AGBL4: variants seen among roughly 807,000 people sequenced by gnomAD.
AGBL4 encodes the protein AGBL carboxypeptidase 4.
A neutral mutation model predicts 66.4 loss-of-function variants in AGBL4; 58 were observed. That is an observed-to-expected ratio of 0.87 (90% CI 0.71 to 1.09). The LOEUF (loss-of-function observed/expected upper bound fraction) is 1.09, where lower values mean the gene tolerates loss of function less well. Among genes scored for constraint, AGBL4 ranks in the 50% least tolerant of loss-of-function variants. The pLI is 0.00. For missense variants in AGBL4, 579 were observed against 631.0 expected (o/e 0.92, Z 0.88); for synonymous variants, 234 against 222.9 (o/e 1.05, Z -0.44).
intron 6 of AGBL4, among the ~76,000 whole-genome samples, chr1:48,777,723 C>G (rs61772574): frequency 6.6e-6 from 1 of 152,140 alleles, no homozygotes; most frequent in African/African-American, 2.4e-5. Context: ...TATAGTCTTT[C>G]TCCATTGAGA....
rs184716398 is a variant in AGBL4, at chr1:49,316,427, A to G, written c.283-70563T>C. 1.8e-4 allele frequency among the ~76,000 whole-genome samples: 28 copies of G among 152,074 alleles called. 1 individual carries two copies. In the East Asian group the frequency reaches 4.1e-3, roughly 22 times the overall value. On this transcript the variant is annotated intron_variant, in intron 3 of 13. Coordinates refer to ENST00000371839, the MANE Select transcript of AGBL4 (RefSeq NM_032785.4). The stretch of plus-strand genomic sequence containing the variant: ...TCCGTAAATCAAAAACTGCTTGATG[A>G]AAAGTCTATTAGAAAAAAAAGCTCT...
At chr1:48,842,903 G>A (rs1646836951) in intron 6 of AGBL4, among the ~76,000 whole-genome samples, 1 of 152,026 alleles carries the variant, frequency 6.6e-6, no homozygotes, top group African/African-American at 2.4e-5. Context: ...TATGCTAAGT[G>A]AAATAAGCTA....
At chr1:48,731,706 T>C (rs1275161414) in intron 6 of AGBL4, among the ~76,000 whole-genome samples, 1 of 152,146 alleles carries the variant, frequency 6.6e-6, no homozygotes, top group Non-Finnish European at 1.5e-5. Flanking sequence ...GAACAAGGCT[T>C]GTTCACGAAA....
chr1:48,675,073 G>A (rs1295816284), intron 6 of AGBL4, among the ~76,000 whole-genome samples: 1 of 152,172 alleles, frequency 6.6e-6, no homozygotes, highest in South Asian at 2.1e-4. Context: ...TTGTTTTGAT[G>A]TAACGGTTTT....
chr1:49,694,054 C>T lies in AGBL4; in HGVS notation c.282+3259G>A, dbSNP rs188441385. Among the ~76,000 whole-genome samples the T allele has an allele frequency of 1.2e-3, 179 of 152,166 alleles. 1 individual carries two copies. The Middle Eastern group carries it at 0.02, about 17-fold the overall frequency. On this transcript the variant is annotated intron_variant, in intron 3 of 13. Coordinates refer to ENST00000371839, the MANE Select transcript of AGBL4 (RefSeq NM_032785.4). ...TTCCTAGAAACATCAAGAAATACAA[C>T]GCAAAAGCTAGACCTGTTTATACAA...
intron 3 of AGBL4, among the ~76,000 whole-genome samples, chr1:49,443,622 T>TG (rs1646087527): frequency 6.6e-6 from 1 of 151,966 alleles, no homozygotes; most frequent in African/African-American, 2.4e-5. Context: ...CATTGATCTA[T>TG]GTGCCTATTT....
At chr1:49,668,371 T>C (rs1646409331) in intron 3 of AGBL4, among the ~76,000 whole-genome samples, 1 of 152,190 alleles carries the variant, frequency 6.6e-6, no homozygotes, top group Non-Finnish European at 1.5e-5. Context: ...GATTTTATAT[T>C]GGAATATTCA....
rs571807688 is a variant in AGBL4 at position 48,692,802 on chromosome 1, C to T, written c.635-29561G>A. Among the ~76,000 whole-genome samples, 207 of 152,308 alleles carry T rather than the reference C, an allele frequency of 1.4e-3. 1 individual carries two copies. Among genetic ancestry groups the T allele is most frequent in the Non-Finnish European group, 2.3e-3 (155 of 68,030 alleles). ...CTCTCCCTCCATCCTCTCACTCTCT[C>T]CTCTTCTTACACAGGGAAATGGATT... On this transcript the variant is annotated intron_variant, in intron 6 of 13. Transcript: ENST00000371839.
At chr1:48,773,529 T>A (rs1005583192) in intron 6 of AGBL4, among the ~76,000 whole-genome samples, 1 of 152,038 alleles carries the variant, frequency 6.6e-6, no homozygotes, top group African/African-American at 2.4e-5. Context: ...AGGATGGTAA[T>A]GGAGAAAGAG....
intron 9 of AGBL4, among the ~76,000 whole-genome samples, chr1:48,600,197 A>G (rs970677642): frequency 9.2e-5 from 14 of 152,188 alleles, no homozygotes; most frequent in Admixed American, 8.5e-4. Context: ...GTAAGTACTC[A>G]GGCAACAATT....
intron 6 of AGBL4, among the ~76,000 whole-genome samples, chr1:48,783,103 T>G (rs1358434615): frequency 6.6e-6 from 1 of 152,218 alleles, no homozygotes; most frequent in East Asian, 1.9e-4. Context: ...CTTTTACATT[T>G]TTTAAATTTT....
intron 6 of AGBL4, among the ~76,000 whole-genome samples, chr1:48,752,870 C>T (rs1651964520): frequency 6.6e-6 from 1 of 152,128 alleles, no homozygotes. Context: ...CTGCCTCAGC[C>T]TCCTGAGTAG....
chr1:49,319,955 G>T (rs1358624279), intron 3 of AGBL4, among the ~76,000 whole-genome samples: 4 of 151,886 alleles, frequency 2.6e-5, no homozygotes, highest in African/African-American at 4.8e-5. Context: ...TTAAGGTAGG[G>T]TCTCACTCTG....
At chr1:48,632,770 T>A (rs1645612568) in intron 9 of AGBL4, among the ~76,000 whole-genome samples, 1 of 152,252 alleles carries the variant, frequency 6.6e-6, no homozygotes, top group African/African-American at 2.4e-5. Context: ...TAGGAGCTTG[T>A]TCTCTTTGAG....
intron 4 of AGBL4, among the ~76,000 whole-genome samples, chr1:49,182,085 A>C (rs902054205): frequency 1.3e-5 from 2 of 152,162 alleles, no homozygotes; most frequent in Non-Finnish European, 2.9e-5. Flanking sequence ...AGAATTGGAC[A>C]AAAAATCCTG....
At chr1:49,475,468 C>T (rs1392773767) in intron 3 of AGBL4, among the ~76,000 whole-genome samples, 1 of 151,936 alleles carries the variant, frequency 6.6e-6, no homozygotes, top group Admixed American at 6.6e-5. Context: ...AGAGGAGTCT[C>T]TCCTCAATTT....
chr1:49,857,487 A>G (rs1646464352), intron 1 of AGBL4, among the ~76,000 whole-genome samples: 1 of 152,172 alleles, frequency 6.6e-6, no homozygotes, highest in African/African-American at 2.4e-5. Flanking sequence ...ACAAAAAGCC[A>G]TAATAGTCAA....
chr1:49,483,120 A>G (rs939827056), intron 3 of AGBL4, among the ~76,000 whole-genome samples: 1 of 152,070 alleles, frequency 6.6e-6, no homozygotes, highest in African/African-American at 2.4e-5. Context: ...AGTTCCGTAG[A>G]TATCTGATGC....
intron 1 of AGBL4, among the ~76,000 whole-genome samples, chr1:49,869,435 T>C (rs1043344873): frequency 1.3e-5 from 2 of 152,182 alleles, no homozygotes; most frequent in African/African-American, 4.8e-5. Context: ...TGAGATCATG[T>C]CCTTTGCAGG....
Sources: gnomAD v4.1 joint callset for allele counts (sites outside exome capture counted in the v4.1 genomes callset) on GRCh38, gnomAD v4.1.1 for gene constraint, MANE v1.5 for transcripts, NCBI Gene and HGNC (gene_info 2026-07-23, HGNC 2026-07-21) for gene names.